Variants in NYAP2 observed in about 807,000 individuals in gnomAD.
NYAP2 encodes the protein neuronal tyrosine-phosphorylated phosphoinositide-3-kinase adapter 2.
NYAP2 carries 23 observed loss-of-function variants against 50.4 expected under a neutral mutation model. The observed-to-expected ratio is 0.46, with a 90% CI of 0.33 to 0.65. NYAP2 has a LOEUF of 0.65. Ranked by LOEUF, NYAP2 falls within the 30% of genes least tolerant of loss-of-function variation. The pLI, the probability that NYAP2 is intolerant of heterozygous loss-of-function variation, is 0.02. For synonymous variants in NYAP2, 394 were observed against 365.2 expected (o/e 1.08, Z -0.90); for missense variants, 885 against 861.0 (o/e 1.03, Z -0.35).
intron 4 of NYAP2, among the ~76,000 whole-genome samples, chr2:225,531,027 T>A (rs1168540430): frequency 6.6e-6 from 1 of 152,214 alleles, no homozygotes; most frequent in African/African-American, 2.4e-5. Context: ...AAATCCATCA[T>A]CCCTATTACT....
chr2:225,522,567 A>T (rs1344910130), intron 4 of NYAP2, among the ~76,000 whole-genome samples: 1 of 152,156 alleles, frequency 6.6e-6, no homozygotes, highest in Admixed American at 6.6e-5. Flanking sequence ...GAATTACCCA[A>T]AAAAGTAATT....
intron 2 of NYAP2, among the ~76,000 whole-genome samples, chr2:225,407,644 T>C (rs1230124809): frequency 6.6e-6 from 1 of 152,028 alleles, no homozygotes; most frequent in Non-Finnish European, 1.5e-5. Flanking sequence ...CTGGGAGTTT[T>C]ACATCAAATA....
chr2:225,701,884 G>C, the NYAP2 span: 1 of 151,716 alleles, frequency 6.6e-6, no homozygotes, highest in African/African-American at 2.4e-5. Flanking sequence ...GGTAGGTCTT[G>C]CCTATACATG....
chr2:225,570,704 T>G (rs1692052741), intron 4 of NYAP2, among the ~76,000 whole-genome samples: 1 of 152,182 alleles, frequency 6.6e-6, no homozygotes, highest in Non-Finnish European at 1.5e-5. Flanking sequence ...GAGATTTGGG[T>G]GGGGACATAA....
intron 4 of NYAP2, among the ~76,000 whole-genome samples, chr2:225,545,236 T>C (rs924873542): frequency 1.3e-5 from 2 of 152,214 alleles, no homozygotes; most frequent in African/African-American, 4.8e-5. Context: ...TCTCTATGTT[T>C]GGGAAGTTCT....
intron 4 of NYAP2, among the ~76,000 whole-genome samples, chr2:225,533,786 A>G (rs2106198824): frequency 6.6e-6 from 1 of 152,364 alleles, no homozygotes; most frequent in South Asian, 2.1e-4. Context: ...GTAGCCAGAT[A>G]AATGAAAATT....
intron 3 of NYAP2, among the ~76,000 whole-genome samples, chr2:225,450,974 T>TG (rs1282241778): frequency 3.3e-5 from 5 of 152,088 alleles, no homozygotes; most frequent in Admixed American, 1.3e-4. Context: ...TCACTTAGGC[T>TG]GGGGGAGGGG....
chr2:225,471,770 A>G (rs1380793668), intron 3 of NYAP2, among the ~76,000 whole-genome samples: 1 of 152,204 alleles, frequency 6.6e-6, no homozygotes, highest in Non-Finnish European at 1.5e-5. Context: ...AGCTGCTTCT[A>G]AATGTGCACA....
the NYAP2 span, among the ~76,000 whole-genome samples, chr2:225,697,445 C>T: frequency 6.6e-6 from 1 of 151,928 alleles, no homozygotes; most frequent in East Asian, 1.9e-4. Context: ...AATATTTAAG[C>T]ATTTACATTC....
At chr2:225,576,129 C>T (rs1477197598) in intron 4 of NYAP2, among the ~76,000 whole-genome samples, 1 of 152,222 alleles carries the variant, frequency 6.6e-6, no homozygotes, top group Non-Finnish European at 1.5e-5. Flanking sequence ...TGCATCCTGA[C>T]TGAGGCAGAG....
At chr2:225,508,976 T>C (rs1690761610) in intron 3 of NYAP2, among the ~76,000 whole-genome samples, 1 of 152,184 alleles carries the variant, frequency 6.6e-6, no homozygotes, top group African/African-American at 2.4e-5. Context: ...AACAGTTCTC[T>C]CCTAGCTCTC....
intron 3 of NYAP2, among the ~76,000 whole-genome samples, chr2:225,441,313 A>T (rs1251798046): frequency 6.6e-6 from 1 of 152,190 alleles, no homozygotes; most frequent in Non-Finnish European, 1.5e-5. Flanking sequence ...TGATAAACCA[A>T]ATCTAATAAT....
At chr2:225,688,894 C>T in the NYAP2 span, among the ~76,000 whole-genome samples, 1 of 152,118 alleles carries the variant, frequency 6.6e-6, no homozygotes, top group Admixed American at 6.6e-5. Context: ...AGGTGTACAC[C>T]ACCGTGCCTG....
At chr2:225,516,258 C>T (rs545439340) in intron 4 of NYAP2, among the ~76,000 whole-genome samples, 3 of 152,168 alleles carry the variant, frequency 2.0e-5, no homozygotes, top group African/African-American at 7.2e-5. Flanking sequence ...TAGTGGGCTC[C>T]CAATGGCTAC....
chr2:225,405,733 G>A (rs370502644), intron 2 of NYAP2, among the ~76,000 whole-genome samples: 8 of 152,084 alleles, frequency 5.3e-5, no homozygotes, highest in African/African-American at 1.9e-4. Flanking sequence ...TGAGAGATGG[G>A]ATGAGTTTCG....
At chr2:225,512,731 T>C (rs1463426670) in intron 3 of NYAP2, among the ~76,000 whole-genome samples, 1 of 149,858 alleles carries the variant, frequency 6.7e-6, no homozygotes, top group Non-Finnish European at 1.5e-5. Context: ...TTCTTTCTCT[T>C]CCTTCCTTTT....
chr2:225,649,960 G>A (rs556621965), intron 6 of NYAP2, among the ~76,000 whole-genome samples: 37 of 152,252 alleles, frequency 2.4e-4, no homozygotes, highest in Admixed American at 9.2e-4. Context: ...TAAATCAGAA[G>A]TACAGAGAAA....
intron 4 of NYAP2, among the ~76,000 whole-genome samples, chr2:225,575,952 T>G (rs950371828): frequency 9.9e-5 from 15 of 152,228 alleles, no homozygotes; most frequent in Admixed American, 5.9e-4. Flanking sequence ...TAATCTATTC[T>G]AATTTATTGT....
At chr2:225,500,156 A>G (rs1690580498) in intron 3 of NYAP2, among the ~76,000 whole-genome samples, 1 of 152,180 alleles carries the variant, frequency 6.6e-6, no homozygotes, top group Admixed American at 6.5e-5. Flanking sequence ...GAGAACAACA[A>G]TCTTGTTAGT....
Sources: allele counts gnomAD v4.1 joint callset (sites outside exome capture counted in the v4.1 genomes callset), GRCh38; gene constraint gnomAD v4.1.1; transcripts MANE v1.5; gene names NCBI Gene and HGNC (gene_info 2026-07-23, HGNC 2026-07-21).